TRAK1: variants seen among roughly 807,000 people sequenced by gnomAD.
TRAK1 encodes the protein trafficking kinesin-binding protein 1.
Under a neutral mutation model 92.1 loss-of-function variants are expected in TRAK1, and 33 were observed. The observed-to-expected ratio is 0.36, with a 90% CI of 0.27 to 0.48. The LOEUF is 0.48. Among genes scored for constraint, TRAK1 ranks in the 20% least tolerant of loss-of-function variants. The pLI is 0.99. For synonymous variants in TRAK1, 521 were observed against 517.3 expected, an observed-to-expected ratio of 1.01 and a Z score of -0.10; for missense variants, 1,123 against 1,257.9, an observed-to-expected ratio of 0.89 and a Z score of 1.62.
intron 1 of TRAK1, among the ~76,000 whole-genome samples, chr3:42,066,821 G>A (rs769277983): frequency 1.3e-5 from 2 of 152,028 alleles, no homozygotes; most frequent in Admixed American, 6.6e-5. Flanking sequence ...TCCTAGTAAC[G>A]GCCCTGTTAA....
chr3:42,048,079 G>A (rs1702830944), intron 1 of TRAK1, among the ~76,000 whole-genome samples: 1 of 152,002 alleles, frequency 6.6e-6, no homozygotes, highest in Non-Finnish European at 1.5e-5. Context: ...TCCACTCCAA[G>A]AGTAACTGCC....
intron 1 of TRAK1, among the ~76,000 whole-genome samples, chr3:42,032,243 A>G (rs1234922589): frequency 6.6e-6 from 1 of 152,218 alleles, no homozygotes; most frequent in Non-Finnish European, 1.5e-5. Flanking sequence ...GAGTATGGTA[A>G]GAATAATCAA....
intron 1 of TRAK1, among the ~76,000 whole-genome samples, chr3:42,071,212 A>C (rs1703917974): frequency 1.3e-5 from 2 of 152,230 alleles, no homozygotes; most frequent in African/African-American, 4.8e-5. Context: ...GGACCTAAGG[A>C]GGAATCACAA....
intron 15 of TRAK1, among the ~76,000 whole-genome samples, chr3:42,221,584 A>C (rs1194930596): frequency 2.0e-5 from 3 of 152,080 alleles, no homozygotes; most frequent in South Asian, 2.1e-4. Flanking sequence ...CTCAGAGTAC[A>C]TGGACTTCCT....
chr3:42,149,122 A>G (rs1699656946), intron 2 of TRAK1: 1 of 925,896 alleles, frequency 1.1e-6, no homozygotes, highest in South Asian at 4.9e-5. Context: ...CAACGGTTAG[A>G]TTGAAAGATG....
chr3:42,203,808 AC>A, intron 13 of TRAK1: 1 of 869,056 alleles, frequency 1.2e-6, no homozygotes, highest in Non-Finnish European at 1.4e-6. Context: ...TTGTTTATGT[AC>A]TATATGTATA....
intron 3 of TRAK1, among the ~76,000 whole-genome samples, chr3:42,181,485 AG>A (rs1213698971): frequency 3.3e-5 from 5 of 152,208 alleles, no homozygotes; most frequent in African/African-American, 1.2e-4. Flanking sequence ...CGGAGGTTGC[AG>A]TGAGCTGAGA....
chr3:42,183,553 T>TTAAAAAAAAAAAAAAAAAAAAA (rs1704332495), intron 3 of TRAK1, among the ~76,000 whole-genome samples: 1 of 117,354 alleles, frequency 8.5e-6, no homozygotes, highest in African/African-American at 3.2e-5. Context: ...AGACTCTGTC[T>TTAAAAAAAAAAAAAAAAAAAAA]AAAAAAAAAA....
chr3:42,037,710 C>T (rs1001523651), intron 1 of TRAK1, among the ~76,000 whole-genome samples: 2 of 152,176 alleles, frequency 1.3e-5, no homozygotes, highest in Non-Finnish European at 2.9e-5. Flanking sequence ...AGTCTCGTGA[C>T]CTGTGTCTGG....
chr3:42,189,438 C>G (rs1229636726), intron 6 of TRAK1, among the ~76,000 whole-genome samples: 1 of 152,242 alleles, frequency 6.6e-6, no homozygotes, highest in South Asian at 2.1e-4. Context: ...GACCACAGCA[C>G]CTGTGGAGAA....
chr3:42,083,996 T>C (rs1457495198), upstream of TRAK1, among the ~76,000 whole-genome samples: 1 of 152,166 alleles, frequency 6.6e-6, no homozygotes, highest in Non-Finnish European at 1.5e-5. Context: ...TCTAAATCTT[T>C]GGAATTTAAA....
At chr3:42,054,274 C>T (rs1048219904) in intron 1 of TRAK1, among the ~76,000 whole-genome samples, 3 of 152,184 alleles carry the variant, frequency 2.0e-5, no homozygotes, top group South Asian at 4.1e-4. Flanking sequence ...TTCAGCACCC[C>T]CTTTGGCTGG....
chr3:42,106,848 A>T (rs2149046758), intron 1 of TRAK1, among the ~76,000 whole-genome samples: 1 of 152,352 alleles, frequency 6.6e-6, no homozygotes, highest in East Asian at 1.9e-4. Flanking sequence ...GTTTTGAAAA[A>T]GTAACCATTG....
intron 2 of TRAK1, among the ~76,000 whole-genome samples, chr3:42,131,754 T>G (rs1296209770): frequency 7.1e-6 from 1 of 140,662 alleles, no homozygotes; most frequent in African/African-American, 2.7e-5. Flanking sequence ...TAAATAAAAT[T>G]TAAAAAAAAA....
chr3:42,156,588 C>T (rs1576671175), intron 2 of TRAK1, among the ~76,000 whole-genome samples: 3 of 152,002 alleles, frequency 2.0e-5, no homozygotes, highest in Admixed American at 1.3e-4. Context: ...GACTAAATAA[C>T]GGGAGGGAAG....
chr3:42,144,101 C>A (rs1293691805), intron 2 of TRAK1, among the ~76,000 whole-genome samples: 1 of 152,132 alleles, frequency 6.6e-6, no homozygotes, highest in Non-Finnish European at 1.5e-5. Context: ...TGCCTCGCTC[C>A]CTACCTCACC....
intron 1 of TRAK1, among the ~76,000 whole-genome samples, chr3:42,115,384 C>T (rs1346048485): frequency 6.6e-6 from 1 of 152,112 alleles, no homozygotes. Context: ...AAGTGGAATG[C>T]GCCACATTCA....
intron 1 of TRAK1, among the ~76,000 whole-genome samples, chr3:42,093,448 CA>C (rs1036597658): frequency 3.9e-5 from 6 of 152,050 alleles, no homozygotes; most frequent in Admixed American, 2.6e-4. Context: ...GAATATTTAT[CA>C]CAAGGTTTTT....
intron 1 of TRAK1, chr3:42,051,283 T>C (rs1452261564): frequency 6.6e-6 from 1 of 152,318 alleles, no homozygotes; most frequent in Non-Finnish European, 1.5e-5. Context: ...TCCCCAGCAG[T>C]GCAGATCTCA....
Sources: allele counts gnomAD v4.1 joint callset (sites outside exome capture counted in the v4.1 genomes callset), GRCh38; gene constraint gnomAD v4.1.1; transcripts MANE v1.5; gene names NCBI Gene and HGNC (gene_info 2026-07-23, HGNC 2026-07-21).